BTD: variants seen among roughly 807,000 people sequenced by gnomAD.
BTD encodes the protein biotinidase, also known as biocytinase.
BTD carries 13 observed loss-of-function variants against 17.7 expected under a neutral mutation model. The observed-to-expected ratio is 0.74, with a 90% CI of 0.48 to 1.17. The LOEUF (loss-of-function observed/expected upper bound fraction) is 1.17. Among genes scored for constraint, BTD ranks in the 50% most tolerant of loss-of-function variants. The probability of loss-of-function intolerance (pLI) is 0.00; values close to 1 mark genes in which losing one functional copy is unlikely to be tolerated. For missense variants in BTD, 674 were observed against 650.4 expected (o/e 1.04, Z -0.39); for synonymous variants, 240 against 245.2 (o/e 0.98, Z 0.20).
At chr3:15,675,790 T>C (rs2066873680) in intron 3 of BTD, 1 of 936,174 alleles carries the variant, frequency 1.1e-6, no homozygotes, top group Admixed American at 3.2e-5. Context: ...ATATTAACTT[T>C]AGCTCTCCTC....
intron 1 of BTD, among the ~76,000 whole-genome samples, chr3:15,613,731 T>C (rs548376546): frequency 1.6e-3 from 242 of 152,294 alleles, no homozygotes; most frequent in Admixed American, 2.4e-3. Context: ...TTTCAAAAGA[T>C]CTTGAGCTTT....
intron 3 of BTD, among the ~76,000 whole-genome samples, chr3:15,680,679 T>A (rs2067446481): frequency 6.6e-6 from 1 of 152,042 alleles, no homozygotes; most frequent in Admixed American, 6.6e-5. Flanking sequence ...TTAAAACAAT[T>A]TTTTGAGACA....
downstream of BTD, chr3:15,714,665 G>A: frequency 1.3e-6 from 2 of 1,571,910 alleles, no homozygotes; most frequent in Middle Eastern, 1.7e-4. Context: ...CTCTGGGGGG[G>A]GAAGAAAAAA....
chr3:15,664,054 A>AC (rs2065953085), intron 3 of BTD, among the ~76,000 whole-genome samples: 1 of 152,164 alleles, frequency 6.6e-6, no homozygotes, highest in Non-Finnish European at 1.5e-5. Flanking sequence ...GGTGCCTGCC[A>AC]CCATGCCTGG....
intron 3 of BTD, chr3:15,686,002 C>T: frequency 6.2e-7 from 1 of 1,611,534 alleles, no homozygotes; most frequent in Non-Finnish European, 8.5e-7. Flanking sequence ...TTCTGCTTAC[C>T]CCTCTATGCA....
chr3:15,713,626 C>T (rs781564578), downstream of BTD: 1 of 1,605,270 alleles, frequency 6.2e-7, no homozygotes, highest in Admixed American at 1.7e-5. Context: ...CTTATCCTCA[C>T]AGTCGATTAC....
chr3:15,629,871 T>A (rs1237677362), intron 1 of BTD: 1 of 202,304 alleles, frequency 4.9e-6, no homozygotes, highest in African/African-American at 2.4e-5. Context: ...ACCATGAAGA[T>A]GGAATTTTTA....
intron 3 of BTD, among the ~76,000 whole-genome samples, chr3:15,690,539 T>C (rs1270561595): frequency 6.6e-6 from 1 of 152,158 alleles, no homozygotes; most frequent in Non-Finnish European, 1.5e-5. Context: ...AGTCTTGATT[T>C]CAAGTCTGAT....
At chr3:15,610,262 A>T (rs1004275290) in intron 1 of BTD, among the ~76,000 whole-genome samples, 3 of 152,220 alleles carry the variant, frequency 2.0e-5, no homozygotes, top group Non-Finnish European at 4.4e-5. Context: ...AGTGAGCCAC[A>T]TAGCTCTACC....
At chr3:15,678,065 G>T in intron 3 of BTD, 2 of 803,374 alleles carry the variant, frequency 2.5e-6, no homozygotes, top group Non-Finnish European at 3.7e-6. Context: ...ATCCCTAAAT[G>T]AAAATGTGGA....
At chr3:15,629,945 C>T (rs961913801) in intron 1 of BTD, 6 of 580,420 alleles carry the variant, frequency 1.0e-5, no homozygotes, top group East Asian at 1.4e-4. Context: ...GATATTCAAA[C>T]GGTTTATATT....
intron 1 of BTD, among the ~76,000 whole-genome samples, chr3:15,610,069 CTG>C (rs532356022): frequency 6.2e-4 from 95 of 152,204 alleles, no homozygotes; most frequent in Admixed American, 5.7e-3. Flanking sequence ...ATTAGATTTG[CTG>C]TGTAATTAAC....
chr3:15,610,775 A>T (rs898569281), intron 1 of BTD, among the ~76,000 whole-genome samples: 1 of 152,204 alleles, frequency 6.6e-6, no homozygotes, highest in Non-Finnish European at 1.5e-5. Context: ...GGGATGGAAG[A>T]GGAACCTTTA....
chr3:15,678,668 CT>C (rs2067213457), intron 3 of BTD, among the ~76,000 whole-genome samples: 1 of 152,162 alleles, frequency 6.6e-6, no homozygotes, highest in Non-Finnish European at 1.5e-5. Context: ...AATACCACCA[CT>C]TATTACAACT....
chr3:15,684,934 G>C (rs577423018), intron 3 of BTD: 117 of 324,352 alleles, frequency 3.6e-4, no homozygotes, highest in African/African-American at 2.5e-3. Flanking sequence ...GACCAGCCTG[G>C]GCAACATAGC....
chr3:15,657,736 G>T (rs1373275245), downstream of BTD, among the ~76,000 whole-genome samples: 2 of 151,982 alleles, frequency 1.3e-5, no homozygotes, highest in African/African-American at 2.4e-5. Flanking sequence ...GTGAGTGATG[G>T]ACTGTTCGAG....
At chr3:15,709,752 A>G in intron 3 of BTD, 1 of 1,525,644 alleles carries the variant, frequency 6.6e-7, no homozygotes, top group Non-Finnish European at 8.9e-7. Context: ...GAGAGAAAAT[A>G]CAGTTAGAAA....
At chr3:15,683,830 T>C (rs1184703610) in intron 3 of BTD, 1 of 152,198 alleles carries the variant, frequency 6.6e-6, no homozygotes, top group Non-Finnish European at 1.5e-5. Context: ...TCAGAACAGC[T>C]CCCAGTGAAA....
intron 3 of BTD, among the ~76,000 whole-genome samples, chr3:15,705,131 C>T (rs1401378052): frequency 6.6e-6 from 1 of 152,122 alleles, no homozygotes; most frequent in Non-Finnish European, 1.5e-5. Context: ...GTGTATCAGG[C>T]TGTTTAGTGT....
Sources: allele counts gnomAD v4.1 joint callset (sites outside exome capture counted in the v4.1 genomes callset), GRCh38; gene constraint gnomAD v4.1.1; transcripts MANE v1.5; gene names NCBI Gene and HGNC (gene_info 2026-07-23, HGNC 2026-07-21).